The following SUGCT variants were observed in gnomAD, a reference collection of about 807,000 sequenced individuals.
SUGCT encodes the protein succinyl-CoA:glutarate CoA-transferase.
Under a neutral mutation model 55.0 loss-of-function variants are expected in SUGCT, and 41 were observed. That is an observed-to-expected ratio of 0.74 (90% CI 0.58 to 0.97). The LOEUF (loss-of-function observed/expected upper bound fraction) is 0.97. Ranked by LOEUF, SUGCT falls within the 50% of genes least tolerant of loss-of-function variation. The pLI, the probability that SUGCT is intolerant of heterozygous loss-of-function variation, is 0.00. For synonymous variants in SUGCT, 187 were observed against 200.4 expected, an observed-to-expected ratio of 0.93 and a Z score of 0.56; for missense variants, 568 against 547.8, an observed-to-expected ratio of 1.04 and a Z score of -0.37.
At chr7:40,292,647 G>A (rs1251945886) in intron 8 of SUGCT, among the ~76,000 whole-genome samples, 3 of 152,034 alleles carry the variant, frequency 2.0e-5, no homozygotes, top group African/African-American at 7.2e-5. Context: ...AAGTCTGTAG[G>A]CCCAGTTTGA....
At chr7:40,623,123 T>C (rs1799354307) in intron 12 of SUGCT, among the ~76,000 whole-genome samples, 1 of 152,184 alleles carries the variant, frequency 6.6e-6, no homozygotes, top group African/African-American at 2.4e-5. Context: ...TAAAGACATA[T>C]GGAACCACTC....
chr7:40,761,940 C>A lies in SUGCT; in HGVS notation c.1153+12443C>A, dbSNP rs145556368. Among the ~76,000 whole-genome samples, 269 of 152,264 alleles carry A rather than the reference C, an allele frequency of 1.8e-3. 1 individual carries two copies. The highest frequency in any genetic ancestry group is 6.2e-3 in the African/African-American group (258 of 41,556). ...AAGTGGGTTCTTTCTGCTATGACAG[C>A]GGAATACCCATGAACACTGGGCGGG... On this transcript the variant is annotated intron_variant, in intron 13 of 13. Transcript: ENST00000335693.
the SUGCT span, among the ~76,000 whole-genome samples, chr7:41,025,829 T>C: frequency 1.3e-5 from 2 of 152,296 alleles, no homozygotes; most frequent in South Asian, 4.1e-4. Context: ...GTATTAGATT[T>C]TTAACCTGAG....
chr7:41,000,925 T>C, the SUGCT span, among the ~76,000 whole-genome samples: 3 of 152,162 alleles, frequency 2.0e-5, no homozygotes, highest in African/African-American at 7.2e-5. Context: ...ACTAGGTATA[T>C]AGTCATGCTA....
At chr7:40,442,972 G>C (rs1464649488) in intron 9 of SUGCT, among the ~76,000 whole-genome samples, 3 of 152,102 alleles carry the variant, frequency 2.0e-5, no homozygotes, top group African/African-American at 4.8e-5. Context: ...AACATGCAGT[G>C]TTTGGTTTTC....
chr7:40,741,517 T>A (rs1787457466), intron 12 of SUGCT, among the ~76,000 whole-genome samples: 1 of 151,890 alleles, frequency 6.6e-6, no homozygotes, highest in African/African-American at 2.4e-5. Context: ...CTGGTGGGAG[T>A]GATTGGTAAG....
At chr7:40,190,903 T>G (rs137895059) in intron 5 of SUGCT, among the ~76,000 whole-genome samples, 303 of 152,276 alleles carry the variant, frequency 2.0e-3, no homozygotes, top group African/African-American at 6.9e-3. Flanking sequence ...GAATACTGCA[T>G]TTTCCATCCA....
intron 12 of SUGCT, among the ~76,000 whole-genome samples, chr7:40,691,292 A>T (rs1784688417): frequency 6.6e-6 from 1 of 151,440 alleles, no homozygotes; most frequent in Admixed American, 6.6e-5. Context: ...AAACTACTTG[A>T]TTAATTTATG....
the SUGCT span, among the ~76,000 whole-genome samples, chr7:40,997,014 G>A: frequency 2.0e-5 from 3 of 152,156 alleles, no homozygotes; most frequent in Non-Finnish European, 2.9e-5. Context: ...TTCTGCTGAT[G>A]CCTGATGCGG....
chr7:40,959,490 G>A, the SUGCT span, among the ~76,000 whole-genome samples: 3 of 152,262 alleles, frequency 2.0e-5, no homozygotes, highest in South Asian at 4.1e-4. Context: ...ACCTACTCAA[G>A]CCTCAGTAAT....
chr7:40,743,669 C>T (rs1787581945), intron 12 of SUGCT, among the ~76,000 whole-genome samples: 2 of 152,124 alleles, frequency 1.3e-5, no homozygotes, highest in Admixed American at 6.6e-5. Flanking sequence ...TTGTTCTTTA[C>T]TGTTAGTACA....
At chr7:40,663,296 C>CAAAAA (rs71000127) in intron 12 of SUGCT, among the ~76,000 whole-genome samples, 3 of 149,042 alleles carry the variant, frequency 2.0e-5, no homozygotes, top group African/African-American at 7.4e-5. Context: ...ATGTATATTT[C>CAAAAA]AAAAAAAAAA....
intron 12 of SUGCT, among the ~76,000 whole-genome samples, chr7:40,545,161 G>C (rs554466194): frequency 1.3e-5 from 2 of 152,238 alleles, no homozygotes; most frequent in South Asian, 4.1e-4. Flanking sequence ...GATATTTTTG[G>C]AACAAATTCC....
intron 9 of SUGCT, among the ~76,000 whole-genome samples, chr7:40,337,617 C>T (rs527268950): frequency 1.3e-5 from 2 of 152,132 alleles, no homozygotes; most frequent in South Asian, 2.1e-4. Flanking sequence ...CATCCTCCAT[C>T]CCTTTGTTTT....
intron 11 of SUGCT, among the ~76,000 whole-genome samples, chr7:40,465,468 GGTGTGGTGGCACAC>G (rs1161806269): frequency 6.6e-6 from 1 of 151,966 alleles, no homozygotes; most frequent in Admixed American, 6.6e-5. Context: ...AAATTAGCTG[GGTGTGGTGGCACAC>G]GCCTGTAATC....
chr7:40,283,435 A>T (rs1317933895), intron 8 of SUGCT, among the ~76,000 whole-genome samples: 2 of 151,878 alleles, frequency 1.3e-5, no homozygotes, highest in African/African-American at 4.8e-5. Flanking sequence ...CACCATGTTG[A>T]CCAGGCTGGT....
At chr7:41,031,701 G>A in the SUGCT span, among the ~76,000 whole-genome samples, 2 of 152,060 alleles carry the variant, frequency 1.3e-5, no homozygotes, top group African/African-American at 4.8e-5. Flanking sequence ...AAATTCTTTA[G>A]ATCATACTTA....
intron 12 of SUGCT, among the ~76,000 whole-genome samples, chr7:40,553,999 A>G (rs1325891122): frequency 6.6e-6 from 1 of 152,236 alleles, no homozygotes; most frequent in African/African-American, 2.4e-5. Context: ...TAAATTAAAA[A>G]GGCTAATGTG....
At chr7:40,905,299 CA>C in the SUGCT span, among the ~76,000 whole-genome samples, 3 of 152,130 alleles carry the variant, frequency 2.0e-5, no homozygotes, top group African/African-American at 7.2e-5. Context: ...GTGATTTTCT[CA>C]TTGACTTAAA....
Sources: gnomAD v4.1 joint callset for allele counts (sites outside exome capture counted in the v4.1 genomes callset) on GRCh38, gnomAD v4.1.1 for gene constraint, MANE v1.5 for transcripts, NCBI Gene and HGNC (gene_info 2026-07-23, HGNC 2026-07-21) for gene names.